The following YME1L1 variants were observed in gnomAD, a reference collection of about 807,000 sequenced individuals.
YME1L1 encodes the protein YME1 like 1 ATPase, also known as ATP-dependent zinc metalloprotease YME1L1.
YME1L1 carries 39 observed loss-of-function variants against 90.4 expected under a neutral mutation model. The observed-to-expected ratio is 0.43, with a 90% CI of 0.33 to 0.56. The LOEUF (loss-of-function observed/expected upper bound fraction) is 0.56. Ranked by LOEUF, YME1L1 falls within the 20% of genes least tolerant of loss-of-function variation. The probability of loss-of-function intolerance (pLI) is 0.03; values close to 1 mark genes in which losing one functional copy is unlikely to be tolerated. For missense variants in YME1L1, 617 were observed against 868.4 expected (o/e 0.71, Z 3.64); for synonymous variants, 284 against 287.3 (o/e 0.99, Z 0.12).
chr10:27,148,141 T>C (rs2135903670), intron 2 of YME1L1, among the ~76,000 whole-genome samples: 1 of 145,398 alleles, frequency 6.9e-6, no homozygotes, highest in South Asian at 2.2e-4. Context: ...CTATTCCACT[T>C]CCCTGTAAAA....
intron 1 of YME1L1, among the ~76,000 whole-genome samples, chr10:27,153,698 T>A (rs763711387): frequency 6.6e-6 from 1 of 152,204 alleles, no homozygotes; most frequent in Non-Finnish European, 1.5e-5. Flanking sequence ...CTTGCATGGC[T>A]GGCCATCCGA....
chr10:27,117,864 G>A, intron 14 of YME1L1, 137 bp from the exon 15 acceptor site: 78 of 783,444 alleles, frequency 1.0e-4, no homozygotes, highest in South Asian at 3.1e-4. Flanking sequence ...AACCAAATAA[G>A]GATTAAAACT....
At chr10:27,141,392 CAAAT>C (rs2057085351) in intron 4 of YME1L1, among the ~76,000 whole-genome samples, 1 of 152,204 alleles carries the variant, frequency 6.6e-6, no homozygotes, top group South Asian at 2.1e-4. Flanking sequence ...CAAAACAAAA[CAAAT>C]ACAGTCATCA....
At chr10:27,150,414 A>G (rs1715113285) in intron 1 of YME1L1, among the ~76,000 whole-genome samples, 1 of 152,120 alleles carries the variant, frequency 6.6e-6, no homozygotes, top group African/African-American at 2.4e-5. Flanking sequence ...GGGCAAAATG[A>G]GGGTAAATGA....
At chr10:27,130,693 A>T (rs1210239846) in intron 8 of YME1L1, among the ~76,000 whole-genome samples, 1 of 152,136 alleles carries the variant, frequency 6.6e-6, no homozygotes, top group Non-Finnish European at 1.5e-5. Context: ...TTCTACTAAA[A>T]ACACAAAAAA....
chr10:27,115,339 G>A (rs569298934), intron 17 of YME1L1, among the ~76,000 whole-genome samples: 1,203 of 116,536 alleles, frequency 0.01, 13 homozygotes, highest in African/African-American at 0.035. Context: ...TTTTTTTTTT[G>A]GAGACAGGGT....
intron 13 of YME1L1, among the ~76,000 whole-genome samples, chr10:27,119,687 T>C (rs2056847115): frequency 6.6e-6 from 1 of 152,060 alleles, no homozygotes; most frequent in Non-Finnish European, 1.5e-5. Flanking sequence ...CATGCACCTG[T>C]AATCCCAGCT....
Position 27,143,894 on chromosome 10 carries a change from A to T in YME1L1, c.332-1409T>A, listed in dbSNP as rs187559994. Among the ~76,000 whole-genome samples, 285 of 152,288 alleles carry T rather than the reference A, an allele frequency of 1.9e-3. 2 individuals carry two copies. The highest frequency in any genetic ancestry group is 6.6e-3 in the African/African-American group (274 of 41,566). ...AGTCATTGGGTAAAAAGAAAGGTCA[A>T]GCCATGAATACTTCACTGATCCTTC... On this transcript the variant is annotated intron_variant, in intron 3 of 18. Transcript: ENST00000376016.
intron 1 of YME1L1, 96 bp downstream of exon 1, chr10:27,154,082 T>C (rs1471340933): frequency 2.0e-6 from 3 of 1,468,308 alleles, no homozygotes; most frequent in Non-Finnish European, 2.8e-6. Context: ...ACTTCATTTC[T>C]AGAGTCCCTT....
chr10:27,123,812 C>A, intron 9 of YME1L1, 113 bp from the exon 10 acceptor site: 1 of 1,094,126 alleles, frequency 9.1e-7, no homozygotes, highest in Non-Finnish European at 1.3e-6. Context: ...GAGGTCACAC[C>A]AATAACCAAT....
intron 18 of YME1L1, among the ~76,000 whole-genome samples, chr10:27,113,219 CAAAAAAA>C (rs869122796): frequency 0.014 from 605 of 43,008 alleles, 14 homozygotes; most frequent in East Asian, 0.026. Context: ...GATGCTGTCT[CAAAAAAA>C]AAAAAAAAAA....
chr10:27,119,734 G>A (rs560953136), intron 13 of YME1L1, among the ~76,000 whole-genome samples: 3 of 151,978 alleles, frequency 2.0e-5, no homozygotes, highest in East Asian at 3.9e-4. Context: ...ACTTGAACCC[G>A]GGAGGTGGAG....
chr10:27,150,085 T>TAAAG (rs2057194848), intron 1 of YME1L1, among the ~76,000 whole-genome samples: 1 of 148,950 alleles, frequency 6.7e-6, no homozygotes. Flanking sequence ...TCAAAATAAA[T>TAAAG]AAATAAATAA....
In YME1L1 at chr10:27,134,391, C is replaced by T. The variant is rs563474259; in HGVS notation, c.692-269G>A. On this transcript the variant is annotated intron_variant, in intron 6 of 18. Transcript: ENST00000376016. Reference sequence around the variant, plus strand: ...TTGATCCCTGGAGTTCAAGACCAGCCTGGACAACAGGGCAAGATTCCATCT... The same window carrying T: ...TTGATCCCTGGAGTTCAAGACCAGCTTGGACAACAGGGCAAGATTCCATCT... 8.5e-5 allele frequency among the ~76,000 whole-genome samples: 13 copies of T among 152,222 alleles called. No homozygotes were observed. In the East Asian group the frequency reaches 2.1e-3, roughly 25 times the overall value.
chr10:27,146,411 T>C (rs1334636972), intron 2 of YME1L1: 3 of 152,032 alleles, frequency 2.0e-5, no homozygotes, highest in Non-Finnish European at 4.4e-5. Flanking sequence ...AACAACAGGA[T>C]AGGGATTATT....
At chr10:27,120,073 C>T (rs2056851098) in intron 13 of YME1L1, among the ~76,000 whole-genome samples, 1 of 152,048 alleles carries the variant, frequency 6.6e-6, no homozygotes, top group South Asian at 2.1e-4. Flanking sequence ...TTGCTTTCTT[C>T]TCTTTTGGCC....
rs151189384 is a variant in YME1L1 at position 27,151,662 on chromosome 10, A to G, written c.33+2516T>C. The stretch of plus-strand genomic sequence containing the variant: ...TCTGGGAGGCCGAGGCGGACGGATC[A>G]CAAGGTCAGGGGATGGAGACCATCC... On this transcript the variant is annotated intron_variant, in intron 1 of 18. Transcript: ENST00000376016. Among the ~76,000 whole-genome samples, 324 of 152,212 alleles carry G rather than the reference A, an allele frequency of 2.1e-3. 1 individual carries two copies. The highest frequency in any genetic ancestry group is 7.4e-3 in the African/African-American group (307 of 41,564).
rs761304616 is a variant in YME1L1 at position 27,126,811 on chromosome 10, A to G, written c.859-25T>C. ...CCTAAAGTGACACAATTTTCCAAAT[A>G]ACTTTAGATAATGGACACGTTTGGT... On this transcript the variant is annotated intron_variant, in intron 8 of 18. Transcript: ENST00000376016. The G allele has an allele frequency of 1.6e-5, 22 of 1,365,698 alleles. No homozygotes were observed. In the East Asian group the frequency reaches 5.2e-4, roughly 32 times the overall value. 84.6% of individuals were successfully genotyped at this position (1,365,698 alleles called of 1,614,324 possible).
intron 9 of YME1L1, among the ~76,000 whole-genome samples, chr10:27,125,786 G>A (rs1230801550): frequency 9.2e-5 from 14 of 151,934 alleles, no homozygotes; most frequent in African/African-American, 2.7e-4. Context: ...GATTACAGGC[G>A]CCTGCCACCA....
Sources: gnomAD v4.1 joint callset for allele counts (sites outside exome capture counted in the v4.1 genomes callset) on GRCh38, gnomAD v4.1.1 for gene constraint, MANE v1.5 for transcripts, NCBI Gene and HGNC (gene_info 2026-07-23, HGNC 2026-07-21) for gene names.